SCMH1: variants seen among roughly 807,000 people sequenced by gnomAD.
SCMH1 encodes Scm polycomb group protein homolog 1, also known as polycomb protein SCMH1.
In SCMH1, 37 loss-of-function variants were observed where a neutral mutation model predicts 70.8. That is an observed-to-expected ratio of 0.52 (90% CI 0.40 to 0.69). SCMH1 has a LOEUF of 0.69. SCMH1 is among the 30% of genes least tolerant of loss of function. SCMH1 has a pLI of 0.00. For missense variants in SCMH1, 607 were observed against 827.3 expected (o/e 0.73, Z 3.27); for synonymous variants, 292 against 307.4 (o/e 0.95, Z 0.52).
chr1:41,237,334 C>T (rs558495970), intron 1 of SCMH1, among the ~76,000 whole-genome samples: 10 of 152,296 alleles, frequency 6.6e-5, no homozygotes, highest in African/African-American at 2.4e-4. Flanking sequence ...TAACCTACAA[C>T]TACAAAACAA....
intron 5 of SCMH1, among the ~76,000 whole-genome samples, chr1:41,147,090 G>C (rs1241344916): frequency 6.6e-6 from 1 of 152,008 alleles, no homozygotes; most frequent in Non-Finnish European, 1.5e-5. Context: ...GAAAATCAGA[G>C]CCATTTAAAT....
In SCMH1 at chr1:41,128,044, C is replaced by A. The variant is rs192251020; in HGVS notation, c.413-11034G>T. ...CATATAGCAAATTTTCATATACAGT[C>A]AGATCTATCTCTGGATTTGCTATTT... is the stretch of plus-strand genomic sequence containing the variant. On this transcript the variant is annotated intron_variant, in intron 6 of 14. Coordinates refer to ENST00000337495, the Ensembl canonical transcript of SCMH1. 2.4e-3 allele frequency among the ~76,000 whole-genome samples: 365 copies of A among 152,280 alleles called. 2 individuals are homozygous for A. Among genetic ancestry groups the A allele is most frequent in the African/African-American group, 8.1e-3 (338 of 41,542 alleles).
chr1:41,177,888 T>C (rs373458617), intron 2 of SCMH1, among the ~76,000 whole-genome samples: 1 of 152,108 alleles, frequency 6.6e-6, no homozygotes, highest in Non-Finnish European at 1.5e-5. Flanking sequence ...ATACAGAGAA[T>C]GCCACAAACA....
intron 1 of SCMH1, among the ~76,000 whole-genome samples, chr1:41,188,866 C>T (rs1650950903): frequency 1.3e-5 from 2 of 152,014 alleles, no homozygotes; most frequent in South Asian, 2.1e-4. Flanking sequence ...TTTCAAAGAA[C>T]AGGAAGAGAA....
intron 10 of SCMH1, 102 bp downstream of exon 10, chr1:41,070,493 G>C (rs1656097519): frequency 7.1e-7 from 1 of 1,402,152 alleles, no homozygotes; most frequent in Non-Finnish European, 9.6e-7. Flanking sequence ...ATTTTACCTA[G>C]GTTTACAAGT....
At chr1:41,184,343 A>G (rs1219343859) in intron 2 of SCMH1, among the ~76,000 whole-genome samples, 1 of 152,228 alleles carries the variant, frequency 6.6e-6, no homozygotes, top group Non-Finnish European at 1.5e-5. Context: ...CCATACAGGC[A>G]AAGAACTGAT....
intron 6 of SCMH1, among the ~76,000 whole-genome samples, chr1:41,128,778 TTA>T (rs1673874190): frequency 1.3e-5 from 2 of 152,164 alleles, no homozygotes; most frequent in Non-Finnish European, 2.9e-5. Context: ...AGGACTCCAG[TTA>T]TATATGTTAT....
At chr1:41,221,206 A>T (rs1659177714) in intron 1 of SCMH1, among the ~76,000 whole-genome samples, 1 of 152,178 alleles carries the variant, frequency 6.6e-6, no homozygotes, top group African/African-American at 2.4e-5. Flanking sequence ...GTGTAGTCAA[A>T]TTCAGAGATA....
At chr1:41,048,026 T>C (rs933453764) in intron 11 of SCMH1, among the ~76,000 whole-genome samples, 1 of 152,074 alleles carries the variant, frequency 6.6e-6, no homozygotes, top group Non-Finnish European at 1.5e-5. Context: ...TACAACCTGC[T>C]AGGGAGGAGG....
chr1:41,199,397 A>G (rs1191173529), intron 1 of SCMH1, among the ~76,000 whole-genome samples: 2 of 152,106 alleles, frequency 1.3e-5, no homozygotes, highest in Non-Finnish European at 2.9e-5. Flanking sequence ...AAATCATATC[A>G]TATGTACTCT....
chr1:41,190,497 T>A (rs1651434673), intron 1 of SCMH1, among the ~76,000 whole-genome samples: 1 of 152,120 alleles, frequency 6.6e-6, no homozygotes, highest in Non-Finnish European at 1.5e-5. Flanking sequence ...TCACTAAGGA[T>A]GTGAAAGCAG....
intron 1 of SCMH1, among the ~76,000 whole-genome samples, chr1:41,190,212 T>C (rs1266528718): frequency 2.0e-5 from 3 of 151,724 alleles, no homozygotes; most frequent in African/African-American, 7.3e-5. Context: ...ACAAGAAGAG[T>C]GAGAATTTAA....
At chr1:41,092,210 G>A (rs1381928643) in intron 8 of SCMH1, among the ~76,000 whole-genome samples, 1 of 152,070 alleles carries the variant, frequency 6.6e-6, no homozygotes, top group Non-Finnish European at 1.5e-5. Flanking sequence ...GCCCTTGGAA[G>A]TAATACCACA....
chr1:41,200,837 A>C (rs1654181981), intron 1 of SCMH1, among the ~76,000 whole-genome samples: 1 of 152,206 alleles, frequency 6.6e-6, no homozygotes, highest in Non-Finnish European at 1.5e-5. Context: ...AACAGGAGTC[A>C]CCTAATAAAA....
chr1:41,204,021 T>C (rs1473309292), intron 1 of SCMH1, among the ~76,000 whole-genome samples: 2 of 152,148 alleles, frequency 1.3e-5, no homozygotes, highest in Non-Finnish European at 1.5e-5. Context: ...GTCTCAGCAA[T>C]GTTGTTCAAT....
intron 6 of SCMH1, among the ~76,000 whole-genome samples, chr1:41,139,077 C>CT (rs567361195): frequency 9.9e-5 from 15 of 152,216 alleles, no homozygotes; most frequent in African/African-American, 3.6e-4. Flanking sequence ...CCCCTGCTGT[C>CT]TTTTTTTCCC....
intron 10 of SCMH1, among the ~76,000 whole-genome samples, chr1:41,052,396 G>T (rs1337238074): frequency 6.6e-6 from 1 of 152,238 alleles, no homozygotes; most frequent in Non-Finnish European, 1.5e-5. Flanking sequence ...CTCCTTATGA[G>T]AATCTAATTA....
chr1:41,081,766 A>T (rs536385304), intron 8 of SCMH1, among the ~76,000 whole-genome samples: 1 of 152,032 alleles, frequency 6.6e-6, no homozygotes, highest in Non-Finnish European at 1.5e-5. Context: ...GCTGCACTGA[A>T]CCATGATGGT....
intron 5 of SCMH1, among the ~76,000 whole-genome samples, chr1:41,144,896 A>G (rs981931730): frequency 3.9e-5 from 6 of 152,150 alleles, no homozygotes; most frequent in African/African-American, 1.4e-4. Context: ...ATATATTTGG[A>G]GAAATATCTA....
Sources: allele counts gnomAD v4.1 joint callset (sites outside exome capture counted in the v4.1 genomes callset), GRCh38; gene constraint gnomAD v4.1.1; transcripts MANE v1.5; gene names NCBI Gene and HGNC (gene_info 2026-07-23, HGNC 2026-07-21).